The following IL6ST variants were observed in gnomAD, a reference collection of about 807,000 sequenced individuals.
IL6ST encodes interleukin 6 cytokine family signal transducer.
A neutral mutation model predicts 91.3 loss-of-function variants in IL6ST; 24 were observed. That is an observed-to-expected ratio of 0.26 (90% CI 0.19 to 0.37). The LOEUF is 0.37. Ranked by LOEUF, IL6ST falls within the 10% of genes least tolerant of loss-of-function variation. The pLI is 1.00. For synonymous variants in IL6ST, 351 were observed against 373.6 expected (o/e 0.94, Z 0.70); for missense variants, 914 against 1,078.5 (o/e 0.85, Z 2.14).
intron 15 of IL6ST, among the ~76,000 whole-genome samples, chr5:55,946,938 G>C (rs1403323995): frequency 1.3e-5 from 2 of 151,602 alleles, no homozygotes; most frequent in Non-Finnish European, 2.9e-5. Flanking sequence ...CTTGGCCGTG[G>C]CTCACACCTG....
At position 55,937,809 on chromosome 5, in the gene IL6ST, A is replaced by C. The variant is rs1750630943; in HGVS notation, c.*3273T>G. ...ATTTTATTCATCTCAACAAAATAAA[A>C]CTTTATTGAAACAAAAGTGTATGGT... On this transcript the variant is annotated 3_prime_UTR_variant, in exon 17 of 17. Coordinates refer to ENST00000381298, the MANE Select transcript of IL6ST (RefSeq NM_002184.4). The C allele has an allele frequency of 1.0e-5, 2 of 193,956 alleles. No homozygotes were observed. Among genetic ancestry groups the C allele is most frequent in the Non-Finnish European group, 2.1e-5 (2 of 93,068 alleles). 12.0% of individuals were successfully genotyped at this position (193,956 alleles called of 1,614,324 possible).
At position 55,935,322 on chromosome 5, in the gene IL6ST, TAAAG is replaced by T; in HGVS notation, c.*5756_*5759del. On this transcript the variant is annotated 3_prime_UTR_variant, in exon 17 of 17. Coordinates refer to ENST00000381298, the MANE Select transcript of IL6ST (RefSeq NM_002184.4). Reference sequence around the variant, plus strand: ...ATGACATAACCATAGTCACAGGGAATAAAGAATCAGGTTTGAATGTCCACAGGTT... The same window carrying T: ...ATGACATAACCATAGTCACAGGGAATAATCAGGTTTGAATGTCCACAGGTT... The T allele has an allele frequency of 5.1e-6, 1 of 197,676 alleles. No individual in the cohort carries two copies. The highest frequency in any genetic ancestry group is 7.9e-5 in the East Asian group (1 of 12,684). The allele number at this position is 197,676 out of a possible 1,614,324, so 12.2% of individuals were successfully genotyped here.
At chr5:55,945,255 G>C (rs556053097) in intron 15 of IL6ST, among the ~76,000 whole-genome samples, 4 of 152,144 alleles carry the variant, frequency 2.6e-5, no homozygotes, top group African/African-American at 9.6e-5. Context: ...ATTTACTATA[G>C]AGCTATACTC....
At position 55,960,403 on chromosome 5, in the gene IL6ST, A is replaced by G. The variant is rs1337987997; in HGVS notation, c.972T>C (p.Asp324=). 1 of 1,611,382 alleles carries G rather than the reference A, an allele frequency of 6.2e-7. No individual in the cohort carries two copies. The highest frequency in any genetic ancestry group is 2.2e-5 in the East Asian group (1 of 44,856). The change falls in exon 8 of 17, where the codon GAT becomes GAC. Residue 324 remains aspartate (D), a splice_region_variant and synonymous_variant. Transcript: ENST00000381298. Reference sequence around the variant, plus strand: ...TTCTTCATATACTTATGTACTTACTATCTTCATAGGTGATCCCACTTGCTT... The same window carrying G: ...TTCTTCATATACTTATGTACTTACTGTCTTCATAGGTGATCCCACTTGCTT... ...SEEASGITYE[D]RPSKAPSFWY...
chr5:55,958,822 G>C (rs1752136499), intron 8 of IL6ST, among the ~76,000 whole-genome samples: 1 of 145,440 alleles, frequency 6.9e-6, no homozygotes, highest in Non-Finnish European at 1.5e-5. Flanking sequence ...CTGGGCAATA[G>C]AGTGAGGCAC....
intron 10 of IL6ST, 135 bp downstream of exon 10, chr5:55,955,890 T>C (rs1561170422): frequency 2.5e-4 from 119 of 471,064 alleles, no homozygotes; most frequent in Non-Finnish European, 1.5e-5. Flanking sequence ...TTTAAAAAAT[T>C]AAAAAATAAA....
In IL6ST at chr5:55,941,686, T is replaced by G; in HGVS notation, c.2153A>C (p.Lys718Thr). 1 of 1,614,116 alleles carries G rather than the reference T, an allele frequency of 6.2e-7. No homozygotes were observed. Among genetic ancestry groups the G allele is most frequent in the Non-Finnish European group, 8.5e-7 (1 of 1,180,016 alleles). Residue 718 changes from lysine (K) to threonine (T), a missense_variant, in exon 17 of 17, where the codon AAA becomes ACA. Transcript: ENST00000381298. ...LKSLDLFKKEKINTEGHSSGI... is the reference protein window; with the variant it reads ...LKSLDLFKKETINTEGHSSGI... ...ACTGCTGTGTCCTTCAGTATTAATT[T>G]TTTCCTTTTTGAACAGGTCCAATGA...
chr5:55,968,251 A>G lies in IL6ST; in HGVS notation c.491+25T>C, dbSNP rs756472889. The G allele has an allele frequency of 9.7e-6, 15 of 1,553,246 alleles. No individual in the cohort carries two copies. In the African/African-American group the frequency reaches 1.6e-4, roughly 16 times the overall value. On this transcript the variant is annotated intron_variant, in intron 5 of 16. Coordinates refer to ENST00000381298, the MANE Select transcript of IL6ST (RefSeq NM_002184.4). ...AATGACTAACTTTAATAAATCTAAC[A>G]TGAAACAAATTTAAAATAACGTACC...
rs368193426 is a variant in IL6ST, at chr5:55,969,740, T to C, written c.180A>G (p.Val60=). 37 of 1,611,264 alleles carry C rather than the reference T, an allele frequency of 2.3e-5. No homozygotes were observed. Among genetic ancestry groups the C allele is most frequent in the Admixed American group, 1.7e-4 (10 of 60,002 alleles). ...TTTTCCAGACAATGTAATTAGCATT[T>C]ACATGAAAATAATCCATACATTTTT... ...LKEKCMDYFH[V]NANYIVWKTN... is the part of the protein sequence containing the mutation. Residue 60 remains valine (V), a synonymous_variant, in exon 4 of 17, where the codon GTA becomes GTG. Coordinates refer to ENST00000381298, the MANE Select transcript of IL6ST (RefSeq NM_002184.4).
chr5:55,943,698 C>A (rs1374548023), intron 15 of IL6ST, among the ~76,000 whole-genome samples: 6 of 152,090 alleles, frequency 3.9e-5, no homozygotes, highest in Admixed American at 3.3e-4. Context: ...TTGTGACACC[C>A]ATTCATGATA....
chr5:55,986,152 T>G (rs144342220), intron 1 of IL6ST, among the ~76,000 whole-genome samples: 92 of 152,362 alleles, frequency 6.0e-4, no homozygotes, highest in Admixed American at 1.8e-3. Flanking sequence ...AGTGTTCAAA[T>G]CTTCCATATC....
intron 3 of IL6ST, 132 bp from the exon 4 acceptor site, chr5:55,969,987 A>G (rs1430229285): frequency 1.8e-6 from 1 of 556,976 alleles, no homozygotes; most frequent in African/African-American, 1.9e-5. Context: ...GAAAAAGACA[A>G]TACACAACTG....
intron 3 of IL6ST, among the ~76,000 whole-genome samples, chr5:55,973,887 C>G (rs544012903): frequency 6.6e-6 from 1 of 152,114 alleles, no homozygotes; most frequent in African/African-American, 2.4e-5. Flanking sequence ...GCCAACACTT[C>G]GGATGAAAAT....
At chr5:55,951,776 C>T in intron 13 of IL6ST, 153 bp downstream of exon 13, 1 of 780,424 alleles carries the variant, frequency 1.3e-6, no homozygotes, top group Non-Finnish European at 2.0e-6. Flanking sequence ...AATACTTTTT[C>T]AATAAATCCA....
At chr5:55,968,593 A>G (rs981972460) in intron 4 of IL6ST, among the ~76,000 whole-genome samples, 197 bp from the exon 5 acceptor site, 3 of 152,214 alleles carry the variant, frequency 2.0e-5, no homozygotes, top group Non-Finnish European at 4.4e-5. Flanking sequence ...GAAGTAATAT[A>G]TATACATCCA....
rs1264659525 is a variant in IL6ST, at chr5:55,936,790, T to TA, written c.*4291dup. ...TAGCACATGCAATTCACTGCAAAGGTAAAAATACATGCTATACTCTAGACA... is the reference window on the plus strand; with the variant it reads ...TAGCACATGCAATTCACTGCAAAGGTAAAAAATACATGCTATACTCTAGACA... On this transcript the variant is annotated 3_prime_UTR_variant, in exon 17 of 17. Transcript: ENST00000381298. 2 of 192,556 alleles carry TA rather than the reference T, an allele frequency of 1.0e-5. No homozygotes were observed. Among genetic ancestry groups the TA allele is most frequent in the Admixed American group, 1.2e-4 (2 of 16,354 alleles). The allele number at this position is 192,556 out of a possible 1,614,324, so 11.9% of individuals were successfully genotyped here. A position where few individuals can be genotyped will look rare whatever the true frequency, so the allele number is the denominator to read the frequency against.
chr5:55,962,577 G>A lies in IL6ST; in HGVS notation c.813+775C>T, dbSNP rs545566654. 5.9e-5 allele frequency among the ~76,000 whole-genome samples: 9 copies of A among 152,166 alleles called. No individual in the cohort carries two copies. In the East Asian group the frequency reaches 1.7e-3, roughly 29 times the overall value. On this transcript the variant is annotated intron_variant, in intron 7 of 16. Coordinates refer to ENST00000381298, the MANE Select transcript of IL6ST (RefSeq NM_002184.4). Reference sequence around the variant, plus strand: ...AAATATTTACTAATATTTTAGGCTTGTGGGCCAGAGACTCTTTTTGCAACT... The same window carrying A: ...AAATATTTACTAATATTTTAGGCTTATGGGCCAGAGACTCTTTTTGCAACT...
intron 2 of IL6ST, among the ~76,000 whole-genome samples, chr5:55,981,868 T>C (rs764472195): frequency 2.6e-5 from 4 of 152,188 alleles, no homozygotes; most frequent in Non-Finnish European, 5.9e-5. Context: ...AAAACCTAAC[T>C]AGTAACCATA....
At chr5:55,959,319 G>A (rs972109437) in intron 8 of IL6ST, among the ~76,000 whole-genome samples, 11 of 152,104 alleles carry the variant, frequency 7.2e-5, no homozygotes, top group African/African-American at 2.7e-4. Context: ...AGGGCAGAAG[G>A]GTACTTTTCT....
Sources: allele counts gnomAD v4.1 joint callset (sites outside exome capture counted in the v4.1 genomes callset), GRCh38; gene constraint gnomAD v4.1.1; transcripts MANE v1.5; gene names NCBI Gene and HGNC (gene_info 2026-07-23, HGNC 2026-07-21).